The following MYO1B variants were observed in gnomAD, a reference collection of about 807,000 sequenced individuals.
MYO1B encodes myosin IB, also known as unconventional myosin-Ib.
A neutral mutation model predicts 159.7 loss-of-function variants in MYO1B; 72 were observed. The ratio of observed to expected loss-of-function variants is 0.45; its 90% CI spans 0.37 to 0.55. The LOEUF is 0.55. MYO1B is among the 20% of genes least tolerant of loss of function. MYO1B has a pLI of 0.00. For missense variants in MYO1B, 1,062 were observed against 1,364.8 expected (o/e 0.78, Z 3.50); for synonymous variants, 468 against 473.8 (o/e 0.99, Z 0.16).
At chr2:191,313,192 C>CTTTTTTTTTTTTTTTTTT (rs762175060) in intron 3 of MYO1B, among the ~76,000 whole-genome samples, 2 of 42,992 alleles carry the variant, frequency 4.7e-5, no homozygotes, top group African/African-American at 1.1e-4. Flanking sequence ...GCACACATGG[C>CTTTTTTTTTTTTTTTTTT]TTTTTTTTTT....
chr2:191,375,470 AAGATAGATAGATAGATAGAT>A (rs149225477), intron 13 of MYO1B, among the ~76,000 whole-genome samples: 4 of 146,256 alleles, frequency 2.7e-5, no homozygotes, highest in African/African-American at 7.6e-5. Flanking sequence ...TGATTTGTAA[AAGATAGATAGATAGATAGAT>A]AGATAGATAG....
In MYO1B at chr2:191,414,676, G is replaced by C; in HGVS notation, c.3159+7G>C. ...CGCCGTCCACCTCAAAGAGGTAAAG[G>C]TTCAACAGAAGATTTCTGTGCTTAA... On this transcript the variant is annotated splice_region_variant and intron_variant, in intron 29 of 30. Transcript: ENST00000392318. The C allele has an allele frequency of 3.1e-6, 5 of 1,601,434 alleles. No homozygotes were observed. The highest frequency in any genetic ancestry group is 4.3e-6 in the Non-Finnish European group (5 of 1,176,030).
intron 4 of MYO1B, 91 bp downstream of exon 4, chr2:191,330,120 C>CT (rs1691369205): frequency 9.3e-7 from 1 of 1,072,534 alleles, no homozygotes; most frequent in African/African-American, 1.6e-5. Context: ...TTAGCAAGAT[C>CT]TGTCGCAGGG....
At chr2:191,270,975 C>T (rs780355217) in intron 1 of MYO1B, among the ~76,000 whole-genome samples, 6 of 152,164 alleles carry the variant, frequency 3.9e-5, no homozygotes, top group Non-Finnish European at 8.8e-5. Context: ...CATTGTTGTA[C>T]GACTCAGTTG....
intron 7 of MYO1B, 53 bp from the exon 8 acceptor site, chr2:191,360,578 G>T: frequency 9.0e-7 from 1 of 1,106,686 alleles, no homozygotes; most frequent in South Asian, 1.4e-5. Context: ...AAAAAGCATG[G>T]TGGATTTGGA....
chr2:191,267,371 A>G (rs908800286), intron 1 of MYO1B, among the ~76,000 whole-genome samples: 1 of 152,236 alleles, frequency 6.6e-6, no homozygotes, highest in African/African-American at 2.4e-5. Context: ...TATTTCTTCC[A>G]TAATCCAAGA....
intron 1 of MYO1B, among the ~76,000 whole-genome samples, chr2:191,248,464 C>G (rs1685917944): frequency 6.6e-6 from 1 of 152,196 alleles, no homozygotes; most frequent in Non-Finnish European, 1.5e-5. Context: ...TACAGTTGGG[C>G]AAAATCGTCT....
intron 1 of MYO1B, among the ~76,000 whole-genome samples, chr2:191,261,456 C>T (rs199590621): frequency 2.6e-5 from 4 of 152,132 alleles, no homozygotes; most frequent in East Asian, 1.9e-4. Flanking sequence ...ATGTAAAACT[C>T]GATAATCGTA....
rs1159016855 is a variant in MYO1B, at chr2:191,418,482, A to ATTTTTTTT, written c.3287+2257_3287+2264dup. ...CAAAGTCCTGTTTACTCTTTAGTGG[A>ATTTTTTTT]TTTTTTTTTTTTTTTTTTTTTTTTG... On this transcript the variant is annotated intron_variant, in intron 30 of 30. Transcript: ENST00000392318. Among the ~76,000 whole-genome samples the ATTTTTTTT allele has an allele frequency of 2.5e-3, 202 of 81,056 alleles. 15 individuals are homozygous for ATTTTTTTT. The highest frequency in any genetic ancestry group is 5.4e-3 in the East Asian group (12 of 2,226). 53.2% of individuals were successfully genotyped at this position (81,056 alleles called of 152,430 possible). A position where few individuals can be genotyped will look rare whatever the true frequency, so the allele number is the denominator to read the frequency against.
rs183955652 is a variant in MYO1B, at chr2:191,306,732, A to G, written c.251+10506A>G. Among the ~76,000 whole-genome samples, 17 of 152,244 alleles carry G rather than the reference A, an allele frequency of 1.1e-4. No homozygotes were observed. The East Asian group carries it at 3.1e-3, about 28-fold the overall frequency. Reference sequence around the variant, plus strand: ...AAAGGGGGATCAGAGCCCAGTCACAATTCCTGGCTGGGATGGAGAGGTTCA... The same window carrying G: ...AAAGGGGGATCAGAGCCCAGTCACAGTTCCTGGCTGGGATGGAGAGGTTCA... On this transcript the variant is annotated intron_variant, in intron 3 of 30. Coordinates refer to ENST00000392318, the MANE Select transcript of MYO1B (RefSeq NM_001130158.3).
intron 4 of MYO1B, among the ~76,000 whole-genome samples, chr2:191,332,108 G>A (rs1691520640): frequency 6.6e-6 from 1 of 152,094 alleles, no homozygotes; most frequent in Non-Finnish European, 1.5e-5. Context: ...GATTACAGGT[G>A]CCCACCACCA....
chr2:191,365,426 T>C (rs1279795011), intron 11 of MYO1B, among the ~76,000 whole-genome samples: 1 of 152,232 alleles, frequency 6.6e-6, no homozygotes, highest in Admixed American at 6.5e-5. Flanking sequence ...TTATTTTAGG[T>C]GAGTTATTTT....
intron 3 of MYO1B, among the ~76,000 whole-genome samples, chr2:191,304,606 C>A (rs183942534): frequency 2.5e-4 from 38 of 152,134 alleles, no homozygotes; most frequent in Admixed American, 1.8e-3. Context: ...AACCCAGTTT[C>A]TTTCAGGATA....
At chr2:191,418,807 C>T (rs1038192219) in intron 30 of MYO1B, among the ~76,000 whole-genome samples, 12 of 152,120 alleles carry the variant, frequency 7.9e-5, no homozygotes, top group Non-Finnish European at 5.9e-5. Context: ...GGAATTTAAA[C>T]TTGTACATAT....
chr2:191,321,655 C>A (rs1690721726), intron 3 of MYO1B, among the ~76,000 whole-genome samples: 1 of 152,180 alleles, frequency 6.6e-6, no homozygotes, highest in African/African-American at 2.4e-5. Context: ...TCCCTGCTGT[C>A]TGCTTCCTCC....
chr2:191,373,777 C>G (rs1694526615), intron 13 of MYO1B, among the ~76,000 whole-genome samples: 1 of 152,190 alleles, frequency 6.6e-6, no homozygotes, highest in South Asian at 2.1e-4. Context: ...TATAGCAAAT[C>G]TTATAATGGC....
chr2:191,284,485 G>T (rs530463024), intron 2 of MYO1B, among the ~76,000 whole-genome samples: 14 of 152,244 alleles, frequency 9.2e-5, no homozygotes, highest in African/African-American at 3.1e-4. Flanking sequence ...GGTCATCGTG[G>T]TACTTATCTT....
chr2:191,365,384 C>G (rs1693942840), intron 11 of MYO1B, among the ~76,000 whole-genome samples: 1 of 152,140 alleles, frequency 6.6e-6, no homozygotes, highest in African/African-American at 2.4e-5. Flanking sequence ...TCCAAGAATG[C>G]CTTTATGTCT....
At chr2:191,257,481 A>G (rs944807485) in intron 1 of MYO1B, among the ~76,000 whole-genome samples, 7 of 152,198 alleles carry the variant, frequency 4.6e-5, no homozygotes, top group Non-Finnish European at 1.0e-4. Flanking sequence ...ACATTTTTAC[A>G]AAGAAACCAT....
Sources: allele counts gnomAD v4.1 joint callset (sites outside exome capture counted in the v4.1 genomes callset), GRCh38; gene constraint gnomAD v4.1.1; transcripts MANE v1.5; gene names NCBI Gene and HGNC (gene_info 2026-07-23, HGNC 2026-07-21).